TANC2: variants seen among roughly 807,000 people sequenced by gnomAD.
TANC2 encodes tetratricopeptide repeat, ankyrin repeat and coiled-coil containing 2.
In TANC2, 26 loss-of-function variants were observed where a neutral mutation model predicts 210.5. That is an observed-to-expected ratio of 0.12 (90% CI 0.09 to 0.17). The LOEUF (loss-of-function observed/expected upper bound fraction) is 0.17. Among genes scored for constraint, TANC2 ranks in the 10% least tolerant of loss-of-function variants. TANC2 has a pLI of 1.00. For synonymous variants in TANC2, 931 were observed against 967.1 expected (o/e 0.96, Z 0.69); for missense variants, 2,129 against 2,608.9 (o/e 0.82, Z 4.01).
chr17:63,050,559 G>T (rs1380869393), intron 2 of TANC2, among the ~76,000 whole-genome samples: 1 of 152,158 alleles, frequency 6.6e-6, no homozygotes, highest in Non-Finnish European at 1.5e-5. Context: ...CCCTGGGGCA[G>T]TCTATCATGT....
chr17:63,291,695 C>T (rs939759381), intron 9 of TANC2, among the ~76,000 whole-genome samples: 1 of 152,178 alleles, frequency 6.6e-6, no homozygotes, highest in Non-Finnish European at 1.5e-5. Context: ...TCATTGAGAA[C>T]TTCCTAGGTT....
At chr17:62,991,389 A>G (rs930950202) in intron 1 of TANC2, among the ~76,000 whole-genome samples, 4 of 152,124 alleles carry the variant, frequency 2.6e-5, no homozygotes, top group African/African-American at 9.7e-5. Flanking sequence ...CTGTAATCCC[A>G]GCACTTTGGG....
chr17:63,302,187 T>C (rs1017682770), intron 9 of TANC2, among the ~76,000 whole-genome samples: 2 of 152,222 alleles, frequency 1.3e-5, no homozygotes, highest in African/African-American at 4.8e-5. Flanking sequence ...GAGGAGTGTT[T>C]TACTTCCAAT....
chr17:63,035,327 G>A (rs991934918), intron 2 of TANC2, among the ~76,000 whole-genome samples: 113 of 152,284 alleles, frequency 7.4e-4, no homozygotes, highest in African/African-American at 2.6e-3. Context: ...ATAGATTATA[G>A]TGTATCATAA....
intron 9 of TANC2, among the ~76,000 whole-genome samples, chr17:63,296,618 A>C (rs2044545001): frequency 6.6e-6 from 1 of 152,222 alleles, no homozygotes; most frequent in African/African-American, 2.4e-5. Flanking sequence ...CAAAGACTTT[A>C]AATCAGCTGT....
At chr17:63,224,132 AAAGT>A in intron 7 of TANC2, among the ~76,000 whole-genome samples, 1 of 152,256 alleles carries the variant, frequency 6.6e-6, no homozygotes, top group African/African-American at 2.4e-5. Context: ...TTTAAAAAAT[AAAGT>A]AAGCAGCATC....
At chr17:63,365,584 C>T (rs1409323575) in intron 14 of TANC2, among the ~76,000 whole-genome samples, 2 of 152,180 alleles carry the variant, frequency 1.3e-5, no homozygotes, top group Non-Finnish European at 2.9e-5. Context: ...CCAGATTGTT[C>T]AAAGCCCTGT....
intron 5 of TANC2, among the ~76,000 whole-genome samples, chr17:63,156,420 G>GAAAA (rs11373026): frequency 7.0e-6 from 1 of 142,080 alleles, no homozygotes; most frequent in African/African-American, 2.6e-5. Flanking sequence ...GGTTGAAATG[G>GAAAA]AAAAAAAAAA....
intron 5 of TANC2, among the ~76,000 whole-genome samples, chr17:63,181,150 T>C (rs2040772098): frequency 2.0e-5 from 3 of 151,814 alleles, no homozygotes; most frequent in African/African-American, 4.8e-5. Context: ...TTCTGCTTAC[T>C]CTTCTCAGTA....
chr17:63,076,275 C>T (rs1232227128), intron 3 of TANC2, among the ~76,000 whole-genome samples: 4 of 152,072 alleles, frequency 2.6e-5, no homozygotes, highest in African/African-American at 7.2e-5. Context: ...AGACACCAGG[C>T]ATAGTTGAGG....
At chr17:63,212,265 T>G (rs1348475393) in intron 7 of TANC2, among the ~76,000 whole-genome samples, 2 of 152,220 alleles carry the variant, frequency 1.3e-5, no homozygotes, top group Non-Finnish European at 2.9e-5. Flanking sequence ...GAATTCTCCA[T>G]TGACTAACTT....
chr17:63,206,246 G>T (rs2041707594), intron 7 of TANC2, among the ~76,000 whole-genome samples: 1 of 152,196 alleles, frequency 6.6e-6, no homozygotes, highest in African/African-American at 2.4e-5. Flanking sequence ...CTCATACATT[G>T]CTGCTGGGAA....
In TANC2 at chr17:63,168,867, G is replaced by A. The variant is rs140422589; in HGVS notation, c.433+17487G>A. On this transcript the variant is annotated intron_variant, in intron 5 of 27. Transcript: ENST00000689528. ...AAAGGATTTGCAGACTTCTCAAACA[G>A]CATTTATCAGAGGGTCTCAGATCAA... Among the ~76,000 whole-genome samples the A allele has an allele frequency of 9.4e-3, 1,425 of 152,318 alleles. 5 individuals are homozygous for A. The highest frequency in any genetic ancestry group is 0.013 in the Non-Finnish European group (893 of 68,030).
At chr17:63,391,724 CCTT>C (rs1431785664) in intron 17 of TANC2, 4 of 146,004 alleles carry the variant, frequency 2.7e-5, no homozygotes, top group Non-Finnish European at 4.6e-5. Context: ...CAATAATAAA[CCTT>C]TTTTTTTTTT....
rs73991867 is a variant in TANC2, at chr17:63,002,917, A to T, written c.-23-6620A>T. Among the ~76,000 whole-genome samples, 599 of 152,284 alleles carry T rather than the reference A, an allele frequency of 3.9e-3. 6 individuals are homozygous for T. The highest frequency in any genetic ancestry group is 0.014 in the African/African-American group (576 of 41,544). Reference sequence around the variant, plus strand: ...CTAGTCTAGGTATAGGGTATTATAAATCTGTTATGAAAATTGTTGTACTAG... The same window carrying T: ...CTAGTCTAGGTATAGGGTATTATAATTCTGTTATGAAAATTGTTGTACTAG... On this transcript the variant is annotated intron_variant, in intron 1 of 27. Coordinates refer to ENST00000689528, the Ensembl canonical transcript of TANC2.
chr17:63,168,218 CAAA>C (rs1188534216), intron 5 of TANC2, among the ~76,000 whole-genome samples: 1 of 152,076 alleles, frequency 6.6e-6, no homozygotes, highest in Non-Finnish European at 1.5e-5. Context: ...AAAGAAAAAT[CAAA>C]GAAGGCAGTA....
chr17:63,424,505 A>C (rs1192745394), exon 28 of TANC2: 1 of 152,220 alleles, frequency 6.6e-6, no homozygotes, highest in East Asian at 1.9e-4. Context: ...CTTCCCCAGC[A>C]GCAAACACTC....
At chr17:63,087,483 T>C (rs2037017634) in intron 3 of TANC2, among the ~76,000 whole-genome samples, 1 of 152,150 alleles carries the variant, frequency 6.6e-6, no homozygotes, top group African/African-American at 2.4e-5. Flanking sequence ...ACAGGATGGC[T>C]AGAGGAAGCT....
chr17:62,985,900 T>C (rs2032542483), intron 1 of TANC2, among the ~76,000 whole-genome samples: 1 of 152,222 alleles, frequency 6.6e-6, no homozygotes, highest in Admixed American at 6.5e-5. Flanking sequence ...TATATTTCTT[T>C]GGAGGCATCA....
Sources: gnomAD v4.1 joint callset for allele counts (sites outside exome capture counted in the v4.1 genomes callset) on GRCh38, gnomAD v4.1.1 for gene constraint, MANE v1.5 for transcripts, NCBI Gene and HGNC (gene_info 2026-07-23, HGNC 2026-07-21) for gene names.